Variants in DHDDS observed in about 807,000 individuals in gnomAD.
DHDDS encodes the protein dehydrodolichyl diphosphate synthase subunit.
A neutral mutation model predicts 46.2 loss-of-function variants in DHDDS; 16 were observed. The observed-to-expected ratio is 0.35, with a 90% CI of 0.23 to 0.53. DHDDS has a LOEUF of 0.53. Among genes scored for constraint, DHDDS ranks in the 20% least tolerant of loss-of-function variants. The probability of loss-of-function intolerance (pLI) is 0.94; values close to 1 mark genes in which losing one functional copy is unlikely to be tolerated. For missense variants in DHDDS, 340 were observed against 423.7 expected (o/e 0.80, Z 1.73); for synonymous variants, 151 against 163.1 (o/e 0.93, Z 0.56).
At chr1:26,432,538 G>T in intron 1 of DHDDS, 162 bp downstream of exon 1, 1 of 265,356 alleles carries the variant, frequency 3.8e-6, no homozygotes, top group Non-Finnish European at 7.5e-6. Context: ...TGGGAGCACA[G>T]AGTTGGAAAC....
Position 26,457,831 on chromosome 1 carries a change from A to G in DHDDS, c.583A>G (p.Asn195Asp). Reference sequence around the variant, plus strand: ...TCTGCTTGATAAGTGCCTCTATACCAACCGCTCTCCTCATCCTGACATCTT... The same window carrying G: ...TCTGCTTGATAAGTGCCTCTATACCGACCGCTCTCCTCATCCTGACATCTT... Reference protein sequence around the residue: ...ESLLDKCLYTNRSPHPDILIR... With the variant: ...ESLLDKCLYTDRSPHPDILIR... Residue 195 changes from asparagine to aspartate, a missense_variant, in exon 7 of 9, where the codon AAC becomes GAC. Coordinates refer to ENST00000236342, the MANE Select transcript of DHDDS (RefSeq NM_205861.3). 6.2e-7 allele frequency: 1 copy of G among 1,613,922 alleles called. No individual in the cohort carries two copies. The highest frequency in any genetic ancestry group is 8.5e-7 in the Non-Finnish European group (1 of 1,179,976).
chr1:26,455,216 G>A, intron 6 of DHDDS: 1 of 707,978 alleles, frequency 1.4e-6, no homozygotes, highest in Non-Finnish European at 2.6e-6. Context: ...GCCGCTTAGG[G>A]AAAGAGCAAA....
intron 4 of DHDDS, 69 bp downstream of exon 4, chr1:26,442,942 C>A: frequency 6.2e-7 from 1 of 1,610,818 alleles, no homozygotes; most frequent in African/African-American, 1.3e-5. Flanking sequence ...CCTTGAAATT[C>A]TGTTATCTGA....
At chr1:26,432,600 C>T in intron 1 of DHDDS, 1 of 355,422 alleles carries the variant, frequency 2.8e-6, no homozygotes, top group Non-Finnish European at 5.4e-6. Context: ...AAGATGTGGG[C>T]ACCATGATGT....
intron 3 of DHDDS, among the ~76,000 whole-genome samples, chr1:26,439,363 CATT>C (rs1359379293): frequency 6.6e-6 from 1 of 151,914 alleles, no homozygotes; most frequent in East Asian, 1.9e-4. Context: ...TTACAATAAA[CATT>C]ATAAATAGTA....
intron 2 of DHDDS, 104 bp from the exon 3 acceptor site, chr1:26,438,064 G>C: frequency 8.4e-7 from 1 of 1,189,362 alleles, no homozygotes; most frequent in Non-Finnish European, 1.3e-6. Flanking sequence ...CCCTTCGTCA[G>C]GGTTTTCATC....
chr1:26,452,096 A>G (rs1366453546), intron 6 of DHDDS, among the ~76,000 whole-genome samples: 1 of 152,080 alleles, frequency 6.6e-6, no homozygotes, highest in Non-Finnish European at 1.5e-5. Context: ...CTGAGGCTGA[A>G]GTGCAGTGGT....
At chr1:26,441,864 C>T (rs1395107615) in intron 3 of DHDDS, among the ~76,000 whole-genome samples, 1 of 150,638 alleles carries the variant, frequency 6.6e-6, no homozygotes, top group Non-Finnish European at 1.5e-5. Flanking sequence ...CCACTGCACT[C>T]CAGCCTGGGT....
intron 6 of DHDDS, chr1:26,454,635 T>TA: frequency 8.4e-7 from 1 of 1,189,984 alleles, no homozygotes; most frequent in East Asian, 2.3e-5. Context: ...ATGCTGAATT[T>TA]ACTCCTGTGC....
Position 26,470,906 on chromosome 1 carries a change from G to C in DHDDS, c.*1775G>C, listed in dbSNP as rs1050702563. On this transcript the variant is annotated 3_prime_UTR_variant, in exon 9 of 9. Coordinates refer to ENST00000236342, the MANE Select transcript of DHDDS (RefSeq NM_205861.3). ...AATCTGCCCTATGAGCGTGGCTGTT[G>C]AGTCCTGTCTCCTGGGTCTGACTTT... 2.6e-5 allele frequency: 4 copies of C among 152,758 alleles called. No individual in the cohort carries two copies. Among genetic ancestry groups the C allele is most frequent in the African/African-American group, 9.7e-5 (4 of 41,436 alleles). 9.5% of individuals were successfully genotyped at this position (152,758 alleles called of 1,614,324 possible).
At chr1:26,447,410 T>C (rs530477882) in intron 5 of DHDDS, 149 bp from the exon 6 acceptor site, 1 of 701,738 alleles carries the variant, frequency 1.4e-6, no homozygotes, top group East Asian at 2.7e-5. Flanking sequence ...AAAAAACTCA[T>C]AATTTCACCT....
At chr1:26,456,232 C>G (rs2075368872) in intron 6 of DHDDS, among the ~76,000 whole-genome samples, 1 of 152,082 alleles carries the variant, frequency 6.6e-6, no homozygotes, top group Non-Finnish European at 1.5e-5. Flanking sequence ...ATTAGCTGAG[C>G]ATGGTGTTGC....
intron 2 of DHDDS, among the ~76,000 whole-genome samples, chr1:26,437,897 C>G (rs2075177393): frequency 6.6e-6 from 1 of 152,140 alleles, no homozygotes; most frequent in Non-Finnish European, 1.5e-5. Context: ...GGGAGGATCA[C>G]TTGAGCCCAG....
At chr1:26,450,742 T>A (rs1369576032) in intron 6 of DHDDS, among the ~76,000 whole-genome samples, 1 of 152,080 alleles carries the variant, frequency 6.6e-6, no homozygotes, top group African/African-American at 2.4e-5. Flanking sequence ...CTGGTGGAGT[T>A]AGCAGAGGTA....
chr1:26,434,060 A>G (rs1421761584), intron 2 of DHDDS, among the ~76,000 whole-genome samples: 1 of 152,198 alleles, frequency 6.6e-6, no homozygotes, highest in Non-Finnish European at 1.5e-5. Flanking sequence ...TCATTTAGTA[A>G]TCATGTGACT....
chr1:26,462,513 G>GTT (rs1013683764), intron 8 of DHDDS, among the ~76,000 whole-genome samples: 1 of 152,126 alleles, frequency 6.6e-6, no homozygotes, highest in African/African-American at 2.4e-5. Flanking sequence ...AATTTTGACA[G>GTT]TATCTCTCCT....
chr1:26,459,086 G>A (rs2075398747), intron 7 of DHDDS, among the ~76,000 whole-genome samples: 1 of 152,224 alleles, frequency 6.6e-6, no homozygotes, highest in Non-Finnish European at 1.5e-5. Flanking sequence ...GATCCCTACT[G>A]TCTTGAAACT....
chr1:26,458,337 G>C (rs2075390143), intron 7 of DHDDS, among the ~76,000 whole-genome samples: 1 of 152,176 alleles, frequency 6.6e-6, no homozygotes, highest in Non-Finnish European at 1.5e-5. Context: ...TGTTAACTTG[G>C]TCCCTGGAGA....
chr1:26,441,073 C>T (rs1210800454), intron 3 of DHDDS, among the ~76,000 whole-genome samples: 9 of 151,978 alleles, frequency 5.9e-5, no homozygotes, highest in East Asian at 1.9e-4. Flanking sequence ...TACAGGCCTG[C>T]GCCACCACAC....
Sources: gnomAD v4.1 joint callset for allele counts (sites outside exome capture counted in the v4.1 genomes callset) on GRCh38, gnomAD v4.1.1 for gene constraint, MANE v1.5 for transcripts, NCBI Gene and HGNC (gene_info 2026-07-23, HGNC 2026-07-21) for gene names.